The following ROPN1B variants were observed in gnomAD, a reference collection of about 807,000 sequenced individuals.
ROPN1B encodes the protein rhophilin associated tail protein 1B, also known as ropporin-1B.
ROPN1B carries 13 observed loss-of-function variants against 23.7 expected under a neutral mutation model. The ratio of observed to expected loss-of-function variants is 0.55; its 90% CI spans 0.36 to 0.87. The LOEUF (loss-of-function observed/expected upper bound fraction) is 0.87, where lower values mean the gene tolerates loss of function less well. ROPN1B is among the 40% of genes least tolerant of loss of function. The probability of loss-of-function intolerance (pLI) is 0.01; values close to 1 mark genes in which losing one functional copy is unlikely to be tolerated. For missense variants in ROPN1B, 183 were observed against 249.2 expected (o/e 0.73, Z 1.79); for synonymous variants, 67 against 100.4 (o/e 0.67, Z 1.99).
chr3:125,977,173 A>G lies in ROPN1B; in HGVS notation c.396+8A>G. ...TGCAGCGCTCTGGGAGTTGTAAGTT[A>G]GCTTGACTGTTTTTTGTTCCTGAAG... On this transcript the variant is annotated splice_region_variant and intron_variant, in intron 5 of 6. Transcript: ENST00000514116. The G allele has an allele frequency of 9.8e-7, 1 of 1,016,420 alleles. No homozygotes were observed. Among genetic ancestry groups the G allele is most frequent in the Non-Finnish European group, 1.5e-6 (1 of 660,124 alleles). The allele number at this position is 1,016,420 out of a possible 1,614,324, so 63.0% of individuals were successfully genotyped here. A position where few individuals can be genotyped will look rare whatever the true frequency, so the allele number is the denominator to read the frequency against.
intron 3 of ROPN1B, 40 bp downstream of exon 3, chr3:125,972,210 G>C (rs1378414142): frequency 5.6e-6 from 9 of 1,606,648 alleles, no homozygotes; most frequent in East Asian, 2.2e-5. Context: ...TGGAGGACGG[G>C]CGGGGAGAGA....
intron 5 of ROPN1B, chr3:125,978,038 T>A (rs546624506): frequency 6.6e-5 from 10 of 152,330 alleles, no homozygotes; most frequent in African/African-American, 2.2e-4. Flanking sequence ...TCTGAGAAAA[T>A]TTAGCAGAAA....
chr3:125,975,115 T>C (rs866449274), intron 3 of ROPN1B, among the ~76,000 whole-genome samples: 8 of 152,298 alleles, frequency 5.3e-5, no homozygotes, highest in Middle Eastern at 3.4e-3. Flanking sequence ...AGTTGCCAGA[T>C]TACAGGCCGT....
At chr3:125,979,258 C>G (rs2107606379) in intron 5 of ROPN1B, among the ~76,000 whole-genome samples, 1 of 150,354 alleles carries the variant, frequency 6.7e-6, no homozygotes, top group Non-Finnish European at 1.5e-5. Context: ...ATCCAGTAAT[C>G]AATACCCTTA....
intron 2 of ROPN1B, among the ~76,000 whole-genome samples, chr3:125,971,490 C>T (rs1199672500): frequency 6.6e-6 from 1 of 152,172 alleles, no homozygotes; most frequent in African/African-American, 2.4e-5. Context: ...TTCCGCCTGA[C>T]AATTAGAGTT....
intron 3 of ROPN1B, 46 bp from the exon 4 acceptor site, chr3:125,975,517 C>A (rs771151883): frequency 6.5e-7 from 1 of 1,528,988 alleles, no homozygotes; most frequent in Admixed American, 1.9e-5. Context: ...AGCCAGAGGC[C>A]ACTGGTGTAT....
At chr3:125,982,897 C>T (rs933549967) in intron 6 of ROPN1B, among the ~76,000 whole-genome samples, 11 of 152,156 alleles carry the variant, frequency 7.2e-5, no homozygotes, top group African/African-American at 2.7e-4. Flanking sequence ...TGGCGGCTCA[C>T]ACCTGTAATC....
chr3:125,981,719 C>G (rs941981989), intron 5 of ROPN1B, among the ~76,000 whole-genome samples: 1 of 152,088 alleles, frequency 6.6e-6, no homozygotes, highest in Non-Finnish European at 1.5e-5. Context: ...TGAAATAAAG[C>G]ACTAGGTGAT....
At chr3:125,972,242 G>A (rs755531803) in intron 3 of ROPN1B, 72 bp downstream of exon 3, 9 of 1,481,060 alleles carry the variant, frequency 6.1e-6, no homozygotes, top group Middle Eastern at 3.4e-4. Flanking sequence ...AACCGCGGAG[G>A]TTGTCATGGC....
Position 125,982,383 on chromosome 3 carries a change from A to G in ROPN1B, c.510A>G (p.Glu170=). 1.2e-6 allele frequency: 2 copies of G among 1,613,600 alleles called. No individual in the cohort carries two copies. Among genetic ancestry groups the G allele is most frequent in the East Asian group, 2.2e-5 (1 of 44,862 alleles). ...TFQFLYTYIA[E]VDGEICASHV... Reference sequence around the variant, plus strand: ...AGTTTCTCTACACGTATATTGCCGAAGTGGATGGGGAGATCTGTGCATCAC... The same window carrying G: ...AGTTTCTCTACACGTATATTGCCGAGGTGGATGGGGAGATCTGTGCATCAC... The change falls in exon 6 of 7, where the codon GAA becomes GAG. Residue 170 remains glutamate, a synonymous_variant. Coordinates refer to ENST00000514116, the MANE Select transcript of ROPN1B (RefSeq NM_001308313.2).
At chr3:125,981,224 G>A (rs999147108) in intron 5 of ROPN1B, among the ~76,000 whole-genome samples, 4 of 152,136 alleles carry the variant, frequency 2.6e-5, no homozygotes, top group Non-Finnish European at 5.9e-5. Context: ...AGTACCTCCT[G>A]ACATAGACTT....
chr3:125,974,767 A>G (rs541327027), intron 3 of ROPN1B, among the ~76,000 whole-genome samples: 2 of 152,300 alleles, frequency 1.3e-5, no homozygotes, highest in South Asian at 4.2e-4. Context: ...TTCACTGAAA[A>G]TTTTGAGGGA....
At chr3:125,974,964 A>C (rs1252660169) in intron 3 of ROPN1B, among the ~76,000 whole-genome samples, 1 of 151,946 alleles carries the variant, frequency 6.6e-6, no homozygotes, top group Non-Finnish European at 1.5e-5. Context: ...GGATGCTTCC[A>C]TCTCTTCCCT....
intron 4 of ROPN1B, among the ~76,000 whole-genome samples, chr3:125,976,496 C>A (rs1376438701): frequency 6.6e-6 from 1 of 152,178 alleles, no homozygotes; most frequent in Admixed American, 6.5e-5. Flanking sequence ...AGATCAAATC[C>A]CCGTGGGTCA....
At chr3:125,982,471 G>A in intron 6 of ROPN1B, 26 bp downstream of exon 6, 1 of 1,570,888 alleles carries the variant, frequency 6.4e-7, no homozygotes, top group Non-Finnish European at 8.6e-7. Context: ...CCAATTGGAG[G>A]TGAAAGAATA....
At chr3:125,981,312 A>C (rs1345346620) in intron 5 of ROPN1B, among the ~76,000 whole-genome samples, 1 of 152,172 alleles carries the variant, frequency 6.6e-6, no homozygotes, top group Non-Finnish European at 1.5e-5. Context: ...GGATGAGAGG[A>C]GAACAGCAGA....
intron 4 of ROPN1B, 32 bp downstream of exon 4, chr3:125,975,712 G>A: frequency 1.3e-6 from 2 of 1,572,816 alleles, no homozygotes; most frequent in African/African-American, 1.4e-5. Context: ...TGAGGAGAAT[G>A]TAGGGACAGT....
At chr3:125,977,954 G>T (rs1441500509) in intron 5 of ROPN1B, 1 of 152,278 alleles carries the variant, frequency 6.6e-6, no homozygotes, top group Non-Finnish European at 1.5e-5. Flanking sequence ...AAGGTAGTCT[G>T]AATCATTCAG....
intron 3 of ROPN1B, 37 bp downstream of exon 3, chr3:125,972,207 C>T (rs772367820): frequency 6.2e-7 from 1 of 1,604,932 alleles, no homozygotes. Context: ...TCTTGGAGGA[C>T]GGGCGGGGAG....
Sources: allele counts gnomAD v4.1 joint callset (sites outside exome capture counted in the v4.1 genomes callset), GRCh38; gene constraint gnomAD v4.1.1; transcripts MANE v1.5; gene names NCBI Gene and HGNC (gene_info 2026-07-23, HGNC 2026-07-21).